Variants in CNTNAP2 observed in about 807,000 individuals in gnomAD.
CNTNAP2 encodes contactin-associated protein-like 2.
Under a neutral mutation model 155.2 loss-of-function variants are expected in CNTNAP2, and 98 were observed. The ratio of observed to expected loss-of-function variants is 0.63; its 90% CI spans 0.54 to 0.75. The LOEUF (loss-of-function observed/expected upper bound fraction) is 0.75. Ranked by LOEUF, CNTNAP2 falls within the 30% of genes least tolerant of loss-of-function variation. The pLI is 0.00. For missense variants in CNTNAP2, 1,727 were observed against 1,688.1 expected, an observed-to-expected ratio of 1.02 and a Z score of -0.40; for synonymous variants, 651 against 631.2, an observed-to-expected ratio of 1.03 and a Z score of -0.47.
At chr7:147,538,543 G>A (rs572817164) in intron 11 of CNTNAP2, among the ~76,000 whole-genome samples, 4 of 152,058 alleles carry the variant, frequency 2.6e-5, no homozygotes, top group South Asian at 2.1e-4. Context: ...CCAACTACTC[G>A]GGAGGCTGAG....
rs377158201 is a variant in CNTNAP2, at chr7:146,965,630, G to A, written c.403-78277G>A. 3.3e-5 allele frequency among the ~76,000 whole-genome samples: 5 copies of A among 151,994 alleles called. No individual in the cohort carries two copies. The South Asian group carries it at 6.2e-4, about 19-fold the overall frequency. On this transcript the variant is annotated intron_variant, in intron 3 of 23. Coordinates refer to ENST00000361727, the MANE Select transcript of CNTNAP2 (RefSeq NM_014141.6). ...GCAAAGATGTTTGAAGTTTAGGTGG[G>A]AAATAGAAGAGGACCCTTAAAAGTT...
intron 1 of CNTNAP2, among the ~76,000 whole-genome samples, chr7:146,506,182 A>T (rs1797381779): frequency 6.6e-6 from 1 of 152,212 alleles, no homozygotes; most frequent in Admixed American, 6.5e-5. Flanking sequence ...GTAGGCAAAC[A>T]GCAGACTGGT....
intron 1 of CNTNAP2, among the ~76,000 whole-genome samples, chr7:146,601,402 C>T (rs73470608): frequency 0.034 from 5,118 of 152,080 alleles, 285 homozygotes; most frequent in African/African-American, 0.12. Context: ...TCAGGGAGAA[C>T]TTGGAAATGT....
intron 20 of CNTNAP2, among the ~76,000 whole-genome samples, chr7:148,236,327 TAA>T (rs1485879666): frequency 1.3e-5 from 2 of 152,236 alleles, no homozygotes; most frequent in Admixed American, 6.5e-5. Context: ...CCCGTGAGGC[TAA>T]GTCAGTTTGC....
chr7:147,580,895 C>A (rs898069206), intron 12 of CNTNAP2, among the ~76,000 whole-genome samples: 2 of 152,188 alleles, frequency 1.3e-5, no homozygotes, highest in Non-Finnish European at 2.9e-5. Context: ...GGATTACAGG[C>A]GTGAGCCAGT....
chr7:147,152,206 A>T (rs1475168591), intron 8 of CNTNAP2, among the ~76,000 whole-genome samples: 1 of 152,048 alleles, frequency 6.6e-6, no homozygotes, highest in East Asian at 1.9e-4. Flanking sequence ...GTATTCAAAA[A>T]TGTTATAGTC....
intron 2 of CNTNAP2, among the ~76,000 whole-genome samples, chr7:146,791,705 T>A (rs1802676745): frequency 6.6e-6 from 1 of 152,306 alleles, no homozygotes. Flanking sequence ...TCAGTTCTCC[T>A]CAGCAATTTA....
intron 13 of CNTNAP2, among the ~76,000 whole-genome samples, chr7:147,898,283 C>T: frequency 6.6e-6 from 1 of 152,168 alleles, no homozygotes; most frequent in Non-Finnish European, 1.5e-5. Flanking sequence ...CACCTGTTAA[C>T]AAAATTATTC....
At chr7:148,210,144 T>C (rs915205743) in intron 18 of CNTNAP2, among the ~76,000 whole-genome samples, 1 of 152,188 alleles carries the variant, frequency 6.6e-6, no homozygotes, top group East Asian at 1.9e-4. Flanking sequence ...GCCTTTAAGA[T>C]GAGAATGATT....
chr7:146,914,305 G>C (rs1796350278), intron 3 of CNTNAP2, among the ~76,000 whole-genome samples: 1 of 151,750 alleles, frequency 6.6e-6, no homozygotes, highest in African/African-American at 2.4e-5. Flanking sequence ...CCTCTGGGTA[G>C]GTACCCAGGG....
At chr7:146,881,378 A>G (rs1037285114) in intron 3 of CNTNAP2, among the ~76,000 whole-genome samples, 2 of 152,108 alleles carry the variant, frequency 1.3e-5, no homozygotes, top group African/African-American at 4.8e-5. Context: ...TATGGCAAAT[A>G]TTTTCATCAA....
At chr7:147,260,027 G>A (rs1041074125) in intron 8 of CNTNAP2, among the ~76,000 whole-genome samples, 4 of 152,138 alleles carry the variant, frequency 2.6e-5, no homozygotes, top group Admixed American at 1.3e-4. Flanking sequence ...GGAGACGACT[G>A]GCAAGTCAAA....
chr7:147,273,506 G>T (rs1204426131), intron 8 of CNTNAP2, among the ~76,000 whole-genome samples: 1 of 151,652 alleles, frequency 6.6e-6, no homozygotes, highest in African/African-American at 2.4e-5. Flanking sequence ...ACCTTCACCC[G>T]CTCTGACCCA....
At chr7:146,646,676 C>A (rs1799817664) in intron 1 of CNTNAP2, among the ~76,000 whole-genome samples, 1 of 152,220 alleles carries the variant, frequency 6.6e-6, no homozygotes, top group Non-Finnish European at 1.5e-5. Flanking sequence ...TAAAACCATT[C>A]TTGTTATCCA....
At chr7:148,059,032 G>C (rs1419629009) in intron 15 of CNTNAP2, among the ~76,000 whole-genome samples, 1 of 152,108 alleles carries the variant, frequency 6.6e-6, no homozygotes, top group Admixed American at 6.5e-5. Flanking sequence ...TGTAATCCCA[G>C]CATTTTGGGA....
chr7:146,285,106 A>G (rs1013289505), intron 1 of CNTNAP2, among the ~76,000 whole-genome samples: 4 of 152,230 alleles, frequency 2.6e-5, no homozygotes, highest in Non-Finnish European at 4.4e-5. Context: ...TGTAATAGAT[A>G]GTGTAAGTTA....
intron 1 of CNTNAP2, among the ~76,000 whole-genome samples, chr7:146,292,019 A>C (rs1800436520): frequency 6.6e-6 from 1 of 152,244 alleles, no homozygotes; most frequent in Non-Finnish European, 1.5e-5. Flanking sequence ...TAAGAAACTC[A>C]AACAAATATA....
chr7:147,802,449 A>C (rs1798016387), intron 13 of CNTNAP2, among the ~76,000 whole-genome samples: 2 of 152,100 alleles, frequency 1.3e-5, no homozygotes, highest in African/African-American at 4.8e-5. Flanking sequence ...AGTTGTAGCG[A>C]GCCGAGATCA....
intron 1 of CNTNAP2, among the ~76,000 whole-genome samples, chr7:146,205,739 A>G (rs1345842279): frequency 2.0e-5 from 3 of 151,952 alleles, no homozygotes; most frequent in African/African-American, 7.2e-5. Context: ...GTAATTATTA[A>G]AAGTCTAACA....
Sources: gnomAD v4.1 joint callset for allele counts (sites outside exome capture counted in the v4.1 genomes callset) on GRCh38, gnomAD v4.1.1 for gene constraint, MANE v1.5 for transcripts, NCBI Gene and HGNC (gene_info 2026-07-23, HGNC 2026-07-21) for gene names.